Variants in MAPK10 observed in about 807,000 individuals in gnomAD.
MAPK10 encodes the protein mitogen-activated protein kinase 10.
Under a neutral mutation model 59.3 loss-of-function variants are expected in MAPK10, and 25 were observed. That is an observed-to-expected ratio of 0.42 (90% CI 0.31 to 0.59). The LOEUF (loss-of-function observed/expected upper bound fraction) is 0.59. MAPK10 is among the 20% of genes least tolerant of loss of function. MAPK10 has a pLI of 0.15. For synonymous variants in MAPK10, 190 were observed against 200.5 expected (o/e 0.95, Z 0.44); for missense variants, 351 against 568.9 (o/e 0.62, Z 3.90).
At chr4:86,434,840 ACTC>A (rs1338009194) in intron 1 of MAPK10, among the ~76,000 whole-genome samples, 2 of 152,218 alleles carry the variant, frequency 1.3e-5, no homozygotes, top group Non-Finnish European at 2.9e-5. Context: ...AGACATCTGT[ACTC>A]CTACGATTAT....
At chr4:86,470,408 C>A (rs938815567) in intron 1 of MAPK10, among the ~76,000 whole-genome samples, 4 of 152,100 alleles carry the variant, frequency 2.6e-5, no homozygotes, top group African/African-American at 9.7e-5. Flanking sequence ...TGGGACAAGT[C>A]TGAATAGATA....
intron 2 of MAPK10, among the ~76,000 whole-genome samples, chr4:86,281,280 C>A (rs2094792577): frequency 6.6e-6 from 1 of 151,992 alleles, no homozygotes; most frequent in Non-Finnish European, 1.5e-5. Flanking sequence ...AGGCAGATCA[C>A]CTCAGGTTAG....
At chr4:86,548,498 A>G (rs929745826) in intron 1 of MAPK10, among the ~76,000 whole-genome samples, 1 of 152,174 alleles carries the variant, frequency 6.6e-6, no homozygotes, top group Non-Finnish European at 1.5e-5. Context: ...TTCATGTTGA[A>G]TTATAATCTC....
At chr4:86,424,129 C>A (rs1476111750) in intron 1 of MAPK10, among the ~76,000 whole-genome samples, 4 of 152,012 alleles carry the variant, frequency 2.6e-5, no homozygotes, top group African/African-American at 9.7e-5. Flanking sequence ...GGAATTCCAC[C>A]AACTTTGCTT....
At chr4:86,254,600 T>C (rs1365701835) in intron 2 of MAPK10, among the ~76,000 whole-genome samples, 2 of 137,880 alleles carry the variant, frequency 1.5e-5, no homozygotes, top group Non-Finnish European at 3.0e-5. Context: ...TCCAACTATG[T>C]GGTCAATTTT....
chr4:86,311,356 A>G (rs1284688843), intron 2 of MAPK10, among the ~76,000 whole-genome samples: 2 of 152,064 alleles, frequency 1.3e-5, no homozygotes, highest in Non-Finnish European at 2.9e-5. Context: ...TTTTTCCATC[A>G]TGACTATATA....
At chr4:86,444,143 A>C (rs1749741844) in intron 1 of MAPK10, among the ~76,000 whole-genome samples, 1 of 152,176 alleles carries the variant, frequency 6.6e-6, no homozygotes. Flanking sequence ...AGAAAGCGAG[A>C]AAGCAACTGA....
intron 2 of MAPK10, among the ~76,000 whole-genome samples, chr4:86,294,417 T>G (rs894703947): frequency 1.3e-5 from 2 of 151,824 alleles, no homozygotes; most frequent in African/African-American, 2.4e-5. Flanking sequence ...TAAATACAAA[T>G]AGGTTAAGTT....
intron 4 of MAPK10, among the ~76,000 whole-genome samples, chr4:86,123,254 C>T (rs572059858): frequency 5.3e-4 from 80 of 152,064 alleles, no homozygotes; most frequent in Non-Finnish European, 9.4e-4. Context: ...CTGATTATTA[C>T]CTTATTGTGT....
chr4:86,581,396 C>T (rs1222499532), intron 1 of MAPK10, among the ~76,000 whole-genome samples: 1 of 151,944 alleles, frequency 6.6e-6, no homozygotes, highest in Non-Finnish European at 1.5e-5. Context: ...AGCAATGCAA[C>T]CTTCTAAAGG....
Position 86,083,216 on chromosome 4 carries a change from C to T in MAPK10, c.803-15261G>A, listed in dbSNP as rs79810849. Among the ~76,000 whole-genome samples, 821 of 152,176 alleles carry T rather than the reference C, an allele frequency of 5.4e-3. 5 individuals are homozygous for T. The highest frequency in any genetic ancestry group is 0.019 in the African/African-American group (781 of 41,496). On this transcript the variant is annotated intron_variant, in intron 9 of 13. Coordinates refer to ENST00000641462, the MANE Select transcript of MAPK10 (RefSeq NM_138982.4). ...AGGACCCCAATTTAACAACTACCTA[C>T]ACCAAAAAGCACCTTCATAAGGACC...
intron 1 of MAPK10, among the ~76,000 whole-genome samples, chr4:86,380,872 A>AAAC (rs1554255336): frequency 1.3e-5 from 2 of 151,516 alleles, no homozygotes; most frequent in Non-Finnish European, 2.9e-5. Flanking sequence ...AAAAAAAAAA[A>AAAC]AAACACTGGA....
chr4:86,322,212 T>C (rs924417909), intron 2 of MAPK10, among the ~76,000 whole-genome samples: 2 of 152,210 alleles, frequency 1.3e-5, no homozygotes, highest in African/African-American at 2.4e-5. Context: ...TCTGACAACA[T>C]TGTTTACAAA....
At chr4:86,091,934 A>G (rs2053290662) in intron 9 of MAPK10, among the ~76,000 whole-genome samples, 2 of 152,016 alleles carry the variant, frequency 1.3e-5, no homozygotes, top group African/African-American at 4.8e-5. Flanking sequence ...GGCCTCCCAA[A>G]GTGCTGGGAT....
At chr4:86,545,166 G>C (rs1208416652) in intron 1 of MAPK10, among the ~76,000 whole-genome samples, 1 of 152,208 alleles carries the variant, frequency 6.6e-6, no homozygotes, top group Non-Finnish European at 1.5e-5. Context: ...ACATGACAAG[G>C]CATGGATGGC....
At chr4:86,452,817 T>C (rs1270285740) in intron 1 of MAPK10, among the ~76,000 whole-genome samples, 1 of 152,070 alleles carries the variant, frequency 6.6e-6, no homozygotes, top group Admixed American at 6.5e-5. Flanking sequence ...GCTTGCATCG[T>C]GAACTTTTGC....
At chr4:86,523,207 T>C (rs1476335838) in intron 1 of MAPK10, among the ~76,000 whole-genome samples, 1 of 152,172 alleles carries the variant, frequency 6.6e-6, no homozygotes, top group African/African-American at 2.4e-5. Context: ...TTTCATTCAC[T>C]TTTTTTCAAT....
Position 86,107,253 on chromosome 4 carries a change from C to T in MAPK10, c.336G>A (p.Leu112=). 6.2e-7 allele frequency: 1 copy of T among 1,613,052 alleles called. No individual in the cohort carries two copies. Among genetic ancestry groups the T allele is most frequent in the Non-Finnish European group, 8.5e-7 (1 of 1,179,386 alleles). The change falls in exon 5 of 14, where the codon CTG becomes CTA. Residue 112 remains leucine (L), a synonymous_variant. Transcript: ENST00000641462. ...QTHAKRAYRE[L]VLMKCVNHKN... ...TATGGTTCACACACTTCATGAGGAC[C>T]AGCTCCCGGTACGCTCTCTTGGCAT...
intron 3 of MAPK10, among the ~76,000 whole-genome samples, chr4:86,187,398 A>T (rs1233602203): frequency 6.6e-6 from 1 of 152,174 alleles, no homozygotes; most frequent in Non-Finnish European, 1.5e-5. Flanking sequence ...CGTGCTGCAC[A>T]ACCTAAGTGG....
Sources: allele counts gnomAD v4.1 joint callset (sites outside exome capture counted in the v4.1 genomes callset), GRCh38; gene constraint gnomAD v4.1.1; transcripts MANE v1.5; gene names NCBI Gene and HGNC (gene_info 2026-07-23, HGNC 2026-07-21).